Variants in MYRFL observed in about 807,000 individuals in gnomAD.
The protein encoded by MYRFL is myelin regulatory factor like.
MYRFL carries 88 observed loss-of-function variants against 109.4 expected under a neutral mutation model. The observed-to-expected ratio is 0.80, with a 90% CI of 0.68 to 0.96. The LOEUF is 0.96. MYRFL is among the 40% of genes least tolerant of loss of function. MYRFL has a pLI of 0.00. For missense variants in MYRFL, 957 were observed against 954.9 expected, an observed-to-expected ratio of 1.00 and a Z score of -0.03; for synonymous variants, 324 against 320.9, an observed-to-expected ratio of 1.01 and a Z score of -0.10.
intron 2 of MYRFL, among the ~76,000 whole-genome samples, chr12:69,867,714 T>C (rs1003826828): frequency 2.0e-5 from 3 of 152,234 alleles, no homozygotes; most frequent in Non-Finnish European, 2.9e-5. Flanking sequence ...GTCTTGGTTC[T>C]GCCATCACTA....
Position 69,936,315 on chromosome 12 carries a change from T to A in MYRFL, c.2024T>A (p.Leu675Gln). The A allele has an allele frequency of 6.5e-7, 1 of 1,536,334 alleles. No individual in the cohort carries two copies. Among genetic ancestry groups the A allele is most frequent in the African/African-American group, 1.4e-5 (1 of 73,116 alleles). The change falls in exon 18 of 25, where the codon CTG (leucine) becomes CAG (glutamine). Residue 675 changes from leucine to glutamine, a missense_variant. Coordinates refer to ENST00000552032, the MANE Select transcript of MYRFL (RefSeq NM_182530.3). ...ACAAGCTCACAGGAGCCAGCTCTGC[T>A]GCCCACAGCCTCCTCCTCAGGTAAA... ...NITSSQEPALLPTASSSAPNT... is the reference protein window; with the variant it reads ...NITSSQEPALQPTASSSAPNT...
At chr12:69,951,350 A>G (rs1164669183) in intron 19 of MYRFL, among the ~76,000 whole-genome samples, 2 of 151,466 alleles carry the variant, frequency 1.3e-5, no homozygotes, top group Non-Finnish European at 2.9e-5. Context: ...ATGACTGTCA[A>G]CTTGCTGTGT....
At chr12:69,957,731 T>A (rs1298016120) in intron 22 of MYRFL, 91 bp from the exon 23 acceptor site, 5 of 1,398,930 alleles carry the variant, frequency 3.6e-6, no homozygotes, top group Non-Finnish European at 4.7e-6. Flanking sequence ...CAAGTTACGT[T>A]CCCATTAGAT....
chr12:69,830,632 A>C lies in MYRFL; in HGVS notation c.46+5069A>C, dbSNP rs558433190. Among the ~76,000 whole-genome samples the C allele has an allele frequency of 3.3e-3, 501 of 152,198 alleles. 1 individual carries two copies. The highest frequency in any genetic ancestry group is 0.012 in the African/African-American group (491 of 41,528). The stretch of plus-strand genomic sequence containing the variant: ...ATGCCAAAGACAGGAAGAACCAGCC[A>C]GGTCATGCAAGGAATTTAGGATTAT... On this transcript the variant is annotated intron_variant, in intron 1 of 24. Coordinates refer to ENST00000552032, the MANE Select transcript of MYRFL (RefSeq NM_182530.3).
chr12:69,910,694 G>A, intron 12 of MYRFL, 127 bp from the exon 13 acceptor site: 1 of 565,716 alleles, frequency 1.8e-6, no homozygotes, highest in Non-Finnish European at 3.0e-6. Flanking sequence ...TAATCCTATA[G>A]TGGTTCTTGG....
chr12:69,947,586 A>G (rs1565649655), intron 19 of MYRFL, among the ~76,000 whole-genome samples: 1 of 151,462 alleles, frequency 6.6e-6, no homozygotes, highest in Non-Finnish European at 1.5e-5. Context: ...TAGACAGGAG[A>G]GTTAGATATT....
chr12:69,899,547 C>A (rs1592785302), intron 10 of MYRFL, among the ~76,000 whole-genome samples: 1 of 152,350 alleles, frequency 6.6e-6, no homozygotes, highest in African/African-American at 2.4e-5. Context: ...AAAGACACTA[C>A]AAGCCCTGAC....
chr12:69,942,595 A>G (rs889074655), intron 19 of MYRFL, among the ~76,000 whole-genome samples: 5 of 147,610 alleles, frequency 3.4e-5, no homozygotes, highest in African/African-American at 1.3e-4. Flanking sequence ...AATGGGCAAA[A>G]ACTGGAAGCA....
At chr12:69,901,319 G>T (rs1954173124) in intron 10 of MYRFL, among the ~76,000 whole-genome samples, 2 of 152,234 alleles carry the variant, frequency 1.3e-5, no homozygotes, top group Admixed American at 6.5e-5. Context: ...ACACATGAAG[G>T]TTGTGGATTC....
At chr12:69,856,551 A>T (rs368698583) in intron 2 of MYRFL, among the ~76,000 whole-genome samples, 5 of 152,162 alleles carry the variant, frequency 3.3e-5, no homozygotes, top group African/African-American at 1.2e-4. Flanking sequence ...TTCATTGCCA[A>T]TTCTTGGGTA....
At chr12:69,892,730 A>G (rs1886989646) in intron 7 of MYRFL, among the ~76,000 whole-genome samples, 1 of 152,234 alleles carries the variant, frequency 6.6e-6, no homozygotes, top group East Asian at 1.9e-4. Context: ...ACAAAAAGAC[A>G]TTCTTTGTAT....
intron 13 of MYRFL, among the ~76,000 whole-genome samples, chr12:69,913,117 A>G (rs929331280): frequency 1.3e-5 from 2 of 152,102 alleles, no homozygotes; most frequent in African/African-American, 4.8e-5. Context: ...CTTTGGAAAA[A>G]TGTCAATTCA....
intron 10 of MYRFL, among the ~76,000 whole-genome samples, chr12:69,899,547 C>T (rs1592785302): frequency 6.6e-6 from 1 of 152,232 alleles, no homozygotes; most frequent in African/African-American, 2.4e-5. Context: ...AAAGACACTA[C>T]AAGCCCTGAC....
chr12:69,834,029 A>G (rs1488728311), intron 1 of MYRFL, among the ~76,000 whole-genome samples: 4 of 152,166 alleles, frequency 2.6e-5, no homozygotes, highest in Admixed American at 6.5e-5. Flanking sequence ...AAGTCCACTA[A>G]TAAGAGTACA....
chr12:69,841,436 G>A (rs1260583692), intron 1 of MYRFL, among the ~76,000 whole-genome samples: 3 of 152,224 alleles, frequency 2.0e-5, no homozygotes, highest in East Asian at 1.9e-4. Context: ...AAGTTGGGAA[G>A]CAGCCCTGAT....
chr12:69,910,922 G>A lies in MYRFL; in HGVS notation c.1594G>A (p.Val532Met). The stretch of plus-strand genomic sequence containing the variant: ...AGAGACCTTGGAGAACTTCCTCATG[G>A]TGGATAAGGTAATCACTGAAAAGAT... Reference protein sequence around the residue: ...NGETLENFLMVDKDQIFMENV... With the variant: ...NGETLENFLMMDKDQIFMENV... The change falls in exon 13 of 25, where the codon GTG (valine) becomes ATG (methionine). Residue 532 changes from valine to methionine, a missense_variant. Coordinates refer to ENST00000552032, the MANE Select transcript of MYRFL (RefSeq NM_182530.3). The A allele has an allele frequency of 6.5e-7, 1 of 1,532,990 alleles. No individual in the cohort carries two copies. Among genetic ancestry groups the A allele is most frequent in the South Asian group, 1.2e-5 (1 of 83,970 alleles). The allele number at this position is 1,532,990 out of a possible 1,614,324, so 95.0% of individuals were successfully genotyped here.
rs1953962088 is a variant in MYRFL, at chr12:69,895,585, C to T, written c.1091+104C>T. On this transcript the variant is annotated intron_variant, in intron 9 of 24. Transcript: ENST00000552032. ...ATCTTCCTGGTGCTACCAGCCAGAA[C>T]ACAGGGCCTCTAAGCCACTTTCCTC... 4 of 798,170 alleles carry T rather than the reference C, an allele frequency of 5.0e-6. No individual in the cohort carries two copies. In the South Asian group the frequency reaches 6.6e-5, roughly 13 times the overall value. 49.4% of individuals were successfully genotyped at this position (798,170 alleles called of 1,614,324 possible).
intron 13 of MYRFL, among the ~76,000 whole-genome samples, chr12:69,926,207 C>G (rs1238539377): frequency 6.6e-6 from 1 of 150,586 alleles, no homozygotes; most frequent in African/African-American, 2.5e-5. Context: ...TCACTGCAAC[C>G]TCCGCCTCCT....
At chr12:69,891,587 T>TTCTTTCTTTCTTTCTTTC (rs1886818498) in intron 7 of MYRFL, among the ~76,000 whole-genome samples, 1 of 139,202 alleles carries the variant, frequency 7.2e-6, no homozygotes, top group Non-Finnish European at 1.5e-5. Context: ...CTTTCTTTCT[T>TTCTTTCTTTCTTTCTTTC]TCTTTCTTTC....
Sources: gnomAD v4.1 joint callset for allele counts (sites outside exome capture counted in the v4.1 genomes callset) on GRCh38, gnomAD v4.1.1 for gene constraint, MANE v1.5 for transcripts, NCBI Gene and HGNC (gene_info 2026-07-23, HGNC 2026-07-21) for gene names.